UGT1A7: variants seen among roughly 807,000 people sequenced by gnomAD.
UGT1A7 encodes UDP-glucuronosyltransferase 1A7.
UGT1A7 carries 33 observed loss-of-function variants against 45.6 expected under a neutral mutation model. The observed-to-expected ratio is 0.72, with a 90% CI of 0.55 to 0.97. UGT1A7 has a LOEUF of 0.97. Ranked by LOEUF, UGT1A7 falls within the 50% of genes least tolerant of loss-of-function variation. The pLI, the probability that UGT1A7 is intolerant of heterozygous loss-of-function variation, is 0.00. For synonymous variants in UGT1A7, 274 were observed against 250.6 expected, an observed-to-expected ratio of 1.09 and a Z score of -0.88; for missense variants, 684 against 666.2, an observed-to-expected ratio of 1.03 and a Z score of -0.29.
chr2:233,716,735 C>T (rs1224008682), intron 1 of UGT1A7, among the ~76,000 whole-genome samples: 3 of 152,158 alleles, frequency 2.0e-5, no homozygotes, highest in Non-Finnish European at 1.5e-5. Flanking sequence ...ATGTTTAGCT[C>T]TGTGAGATTG....
At chr2:233,741,386 A>C (rs1288438490) in intron 1 of UGT1A7, 1 of 151,760 alleles carries the variant, frequency 6.6e-6, no homozygotes, top group Non-Finnish European at 1.5e-5. Flanking sequence ...CCTTTCTACC[A>C]CTTTGAAACT....
rs769720139 is a variant in UGT1A7 at position 233,772,367 on chromosome 2, C to T, written c.1401C>T (p.Gly467=). Reference sequence around the variant, plus strand: ...TGGAGTTTGTGATGAGGCACAAGGGCGCGCCACACCTGCGCCCCGCAGCCC... The same window carrying T: ...TGGAGTTTGTGATGAGGCACAAGGGTGCGCCACACCTGCGCCCCGCAGCCC... The part of the protein sequence containing the change: ...FWVEFVMRHK[G]APHLRPAAHD... Residue 467 remains glycine, a synonymous_variant, in exon 5 of 5, where the codon GGC becomes GGT. Transcript: ENST00000373426. The T allele has an allele frequency of 1.5e-5, 24 of 1,614,250 alleles. No individual in the cohort carries two copies. Among genetic ancestry groups the T allele is most frequent in the Admixed American group, 1.7e-5 (1 of 60,036 alleles).
At chr2:233,709,031 A>G (rs1166379851) in intron 1 of UGT1A7, among the ~76,000 whole-genome samples, 3 of 152,146 alleles carry the variant, frequency 2.0e-5, no homozygotes, top group Non-Finnish European at 4.4e-5. Context: ...CAGGGGCTTC[A>G]GCCTGAGTTC....
chr2:233,734,458 A>G lies in UGT1A7; in HGVS notation c.856-32576A>G, dbSNP rs561790564. On this transcript the variant is annotated intron_variant, in intron 1 of 4. Coordinates refer to ENST00000373426, the MANE Select transcript of UGT1A7 (RefSeq NM_019077.3). ...TGCCAGAGGTCTATCAATTTTCAAAATCCATCTCCTGGATTCATTGATTTT... is the reference window on the plus strand; with the variant it reads ...TGCCAGAGGTCTATCAATTTTCAAAGTCCATCTCCTGGATTCATTGATTTT... 1.5e-3 allele frequency among the ~76,000 whole-genome samples: 233 copies of G among 152,160 alleles called. 2 individuals carry two copies. The highest frequency in any genetic ancestry group is 5.3e-3 in the African/African-American group (218 of 41,522).
chr2:233,743,462 C>A (rs372766492), intron 1 of UGT1A7: 25 of 1,366,220 alleles, frequency 1.8e-5, no homozygotes, highest in Middle Eastern at 2.1e-4. Flanking sequence ...GAAAAAACAC[C>A]CCCAAAAGCT....
chr2:233,758,383 T>C (rs1384884444), intron 1 of UGT1A7, among the ~76,000 whole-genome samples: 2 of 152,192 alleles, frequency 1.3e-5, no homozygotes, highest in East Asian at 3.8e-4. Context: ...AGTGGTGACT[T>C]ATGTGTTTAT....
At chr2:233,733,973 G>A (rs2078462378) in intron 1 of UGT1A7, among the ~76,000 whole-genome samples, 1 of 152,034 alleles carries the variant, frequency 6.6e-6, no homozygotes, top group African/African-American at 2.4e-5. Flanking sequence ...GGGGGAGCGG[G>A]GAGGGATAGC....
At chr2:233,766,252 CGCT>C (rs1699078846) in intron 1 of UGT1A7, among the ~76,000 whole-genome samples, 1 of 151,626 alleles carries the variant, frequency 6.6e-6, no homozygotes, top group Non-Finnish European at 1.5e-5. Flanking sequence ...GGAGTCAGAC[CGCT>C]CAGTGGCCCG....
At chr2:233,693,657 A>T in intron 1 of UGT1A7, 1 of 1,614,170 alleles carries the variant, frequency 6.2e-7, no homozygotes, top group South Asian at 1.1e-5. Flanking sequence ...AATTTGTTGG[A>T]GCCCTATCTA....
At chr2:233,710,419 A>G (rs1041680832) in intron 1 of UGT1A7, among the ~76,000 whole-genome samples, 3 of 152,226 alleles carry the variant, frequency 2.0e-5, no homozygotes, top group Non-Finnish European at 4.4e-5. Context: ...TATTTGTGCT[A>G]AGACTTGCTA....
intron 1 of UGT1A7, among the ~76,000 whole-genome samples, chr2:233,752,117 A>T (rs910162092): frequency 3.9e-5 from 6 of 152,242 alleles, no homozygotes. Context: ...GAGGAGAAGA[A>T]GATGATGGAC....
At chr2:233,709,846 T>C (rs1229123892) in intron 1 of UGT1A7, among the ~76,000 whole-genome samples, 1 of 152,204 alleles carries the variant, frequency 6.6e-6, no homozygotes, top group Non-Finnish European at 1.5e-5. Flanking sequence ...CATCACCACA[T>C]TCAAGACACG....
At chr2:233,718,140 TC>T (rs2125658372) in intron 1 of UGT1A7, 1 of 233,266 alleles carries the variant, frequency 4.3e-6, no homozygotes, top group African/African-American at 2.2e-5. Context: ...TGGAGAATCC[TC>T]AATAAAGCCT....
intron 1 of UGT1A7, among the ~76,000 whole-genome samples, chr2:233,715,215 C>T (rs930833996): frequency 2.6e-5 from 4 of 152,140 alleles, no homozygotes; most frequent in Non-Finnish European, 5.9e-5. Context: ...AGACCCTCTA[C>T]TGAATCTGCC....
chr2:233,739,954 C>G lies in UGT1A7; in HGVS notation c.856-27080C>G, dbSNP rs28900075. On this transcript the variant is annotated intron_variant, in intron 1 of 4. Coordinates refer to ENST00000373426, the MANE Select transcript of UGT1A7 (RefSeq NM_019077.3). Reference sequence around the variant, plus strand: ...TGTTAAGGTTGGTACCTGGTGGGAGCTGATTGAATCATATCGGCAGTTTTC... The same window carrying G: ...TGTTAAGGTTGGTACCTGGTGGGAGGTGATTGAATCATATCGGCAGTTTTC... Among the ~76,000 whole-genome samples the G allele has an allele frequency of 3.7e-4, 56 of 151,998 alleles. No homozygotes were observed. In the East Asian group the frequency reaches 0.011, roughly 29 times the overall value.
intron 1 of UGT1A7, chr2:233,741,713 C>T (rs1022518574): frequency 6.6e-6 from 1 of 151,840 alleles, no homozygotes; most frequent in South Asian, 2.1e-4. Flanking sequence ...TCTGAGGGTT[C>T]TAGAGCATAT....
At chr2:233,685,425 A>G (rs2074738048) in intron 1 of UGT1A7, among the ~76,000 whole-genome samples, 1 of 151,766 alleles carries the variant, frequency 6.6e-6, no homozygotes, top group Non-Finnish European at 1.5e-5. Flanking sequence ...GAATCCAGTT[A>G]TAAAGAATTC....
rs774409308 is a variant in UGT1A7, at chr2:233,719,538, CAG to C, written c.855+36753_855+36754del. 13 of 1,613,912 alleles carry C rather than the reference CAG, an allele frequency of 8.1e-6. No individual in the cohort carries two copies. In the South Asian group the frequency reaches 9.9e-5, roughly 12 times the overall value. ...TGCAAGTCTTGCCTCTGAGCTTTTT[CAG>C]AGAGAGGTGTCAGTGGTGGATCTTG... On this transcript the variant is annotated intron_variant, in intron 1 of 4. Coordinates refer to ENST00000373426, the MANE Select transcript of UGT1A7 (RefSeq NM_019077.3).
intron 1 of UGT1A7, among the ~76,000 whole-genome samples, chr2:233,727,594 G>A (rs2077631064): frequency 6.6e-6 from 1 of 152,304 alleles, no homozygotes; most frequent in African/African-American, 2.4e-5. Flanking sequence ...GTTTTAAGGG[G>A]GTTGGAGGAA....
Sources: gnomAD v4.1 joint callset for allele counts (sites outside exome capture counted in the v4.1 genomes callset) on GRCh38, gnomAD v4.1.1 for gene constraint, MANE v1.5 for transcripts, NCBI Gene and HGNC (gene_info 2026-07-23, HGNC 2026-07-21) for gene names.